Variants in UPB1 observed in about 807,000 individuals in gnomAD.
UPB1 encodes the protein beta-ureidopropionase 1.
Under a neutral mutation model 49.1 loss-of-function variants are expected in UPB1, and 40 were observed. The observed-to-expected ratio is 0.81, with a 90% CI of 0.63 to 1.06. The LOEUF (loss-of-function observed/expected upper bound fraction) is 1.06. Ranked by LOEUF, UPB1 falls within the 50% of genes least tolerant of loss-of-function variation. The pLI is 0.00. For missense variants in UPB1, 499 were observed against 505.9 expected (o/e 0.99, Z 0.13); for synonymous variants, 207 against 198.2 (o/e 1.04, Z -0.38).
In UPB1 at chr22:24,515,210, T is replaced by G; in HGVS notation, c.631T>G (p.Tyr211Asp). The change falls in exon 6 of 10, where the codon TAC becomes GAC. Residue 211 changes from tyrosine to aspartate, a missense_variant. Physicochemically the swap from Tyr to Asp is radical, Grantham distance 160 (BLOSUM62 -3). Coordinates refer to ENST00000326010, the MANE Select transcript of UPB1 (RefSeq NM_016327.3). ...RVGDFNESTY[Y>D]MEGNLGHPVF... The stretch of plus-strand genomic sequence containing the variant: ...GCCCTTTGCTTTTCAGTCAACTTAC[T>G]ACATGGAGGGAAACCTGGGCCACCC... The G allele has an allele frequency of 6.2e-7, 1 of 1,614,164 alleles. No homozygotes were observed. The highest frequency in any genetic ancestry group is 1.1e-5 in the South Asian group (1 of 91,078).
chr22:24,504,719 C>T (rs1001453608), intron 3 of UPB1, among the ~76,000 whole-genome samples: 4 of 133,918 alleles, frequency 3.0e-5, no homozygotes, highest in Admixed American at 8.8e-5. Context: ...TTATGTATTT[C>T]CTCCTTTTTT....
chr22:24,495,854 C>T (rs935139737), intron 1 of UPB1, among the ~76,000 whole-genome samples: 1 of 152,172 alleles, frequency 6.6e-6, no homozygotes, highest in Admixed American at 6.5e-5. Context: ...TGTCTCCAAC[C>T]AGAGCACCCA....
intron 1 of UPB1, among the ~76,000 whole-genome samples, chr22:24,495,906 G>A (rs1197679296): frequency 6.6e-6 from 1 of 152,106 alleles, no homozygotes. Flanking sequence ...TCCTTCTTGC[G>A]GTGACCCGAC....
In UPB1 at chr22:24,520,388, G is replaced by T; in HGVS notation, c.793G>T (p.Glu265Ter). 6.2e-7 allele frequency: 1 copy of T among 1,614,134 alleles called. No homozygotes were observed. Among genetic ancestry groups the T allele is most frequent in the Non-Finnish European group, 8.5e-7 (1 of 1,180,020 alleles). Residue 265 changes from glutamate to a stop codon, truncating the protein, a stop_gained and splice_region_variant, in exon 7 of 10, where the codon GAG becomes TAG. Coordinates refer to ENST00000326010, the MANE Select transcript of UPB1 (RefSeq NM_016327.3). LOFTEE classifies it high-confidence loss of function. Reference sequence around the variant, plus strand: ...GTTCCTCTTGGTCCTCTCTTACAGCGAGTCCCTGTGGCCCATCGAGGCCAG... The same window carrying T: ...GTTCCTCTTGGTCCTCTCTTACAGCTAGTCCCTGTGGCCCATCGAGGCCAG... ...NPSATIGALS[E>*]SLWPIEARNA...
intron 3 of UPB1, among the ~76,000 whole-genome samples, chr22:24,504,340 T>C (rs1241948508): frequency 1.3e-5 from 2 of 152,236 alleles, no homozygotes; most frequent in Non-Finnish European, 2.9e-5. Context: ...AAATTTTAGG[T>C]TAGAAATCAT....
chr22:24,501,463 C>T (rs1034967120), intron 2 of UPB1, among the ~76,000 whole-genome samples: 3 of 152,202 alleles, frequency 2.0e-5, no homozygotes, highest in African/African-American at 7.2e-5. Context: ...GGAAGAGTGG[C>T]ACACAAAGCA....
At position 24,500,248 on chromosome 22, in the gene UPB1, C is replaced by T. The variant is rs769812643; in HGVS notation, c.246C>T (p.Pro82=). 4 of 1,614,062 alleles carry T rather than the reference C, an allele frequency of 2.5e-6. No individual in the cohort carries two copies. The African/African-American group carries it at 4.0e-5, about 16-fold the overall frequency. ...TGGGGCTGGTTCAGAACAGAATCCCCCTCCCCGCAAATGCCCCTGTGGCAG... is the reference window on the plus strand; with the variant it reads ...TGGGGCTGGTTCAGAACAGAATCCCTCTCCCCGCAAATGCCCCTGTGGCAG... The part of the protein sequence containing the change: ...VHVGLVQNRI[P]LPANAPVAEQ... Residue 82 remains proline, a synonymous_variant, in exon 2 of 10, where the codon CCC becomes CCT. Coordinates refer to ENST00000326010, the MANE Select transcript of UPB1 (RefSeq NM_016327.3).
intron 6 of UPB1, 129 bp downstream of exon 6, chr22:24,515,499 C>A: frequency 7.8e-7 from 1 of 1,278,270 alleles, no homozygotes; most frequent in Non-Finnish European, 1.1e-6. Flanking sequence ...GCTGAGCCCC[C>A]AGGATTGCAT....
rs755533170 is a variant in UPB1, at chr22:24,500,210, C to G, written c.208C>G (p.Arg70Gly). The change falls in exon 2 of 10, where the codon CGC (arginine) becomes GGC (glycine). Residue 70 changes from arginine to glycine, a missense_variant. Coordinates refer to ENST00000326010, the MANE Select transcript of UPB1 (RefSeq NM_016327.3). ...AGCGGAGGAGCAGCTGAGACGACCC[C>G]GCATTGTGCACGTGGGGCTGGTTCA... ...EAAEEQLRRP[R>G]IVHVGLVQNR... The G allele has an allele frequency of 1.2e-6, 2 of 1,614,092 alleles. No individual in the cohort carries two copies. Among genetic ancestry groups the G allele is most frequent in the Non-Finnish European group, 8.5e-7 (1 of 1,180,048 alleles).
chr22:24,523,742 G>A lies in UPB1; in HGVS notation c.1040G>A (p.Cys347Tyr), dbSNP rs1230735766. 2 of 1,614,236 alleles carry A rather than the reference G, an allele frequency of 1.2e-6. No homozygotes were observed. Among genetic ancestry groups the A allele is most frequent in the Non-Finnish European group, 1.7e-6 (2 of 1,180,040 alleles). Reference protein sequence around the residue: ...LLVAKLDLNLCQQVNDVWNFK... With the variant: ...LLVAKLDLNLYQQVNDVWNFK... ...GTTGCTAAGCTCGACCTAAACCTCT[G>A]CCAGCAGGTGAATGATGTCTGGAAC... The change falls in exon 9 of 10, where the codon TGC (cysteine) becomes TAC (tyrosine). Residue 347 changes from cysteine to tyrosine, a missense_variant. Cys to Tyr is a radical substitution (Grantham distance 194). Transcript: ENST00000326010.
At chr22:24,507,531 A>T (rs1275679759) in intron 3 of UPB1, among the ~76,000 whole-genome samples, 6 of 152,204 alleles carry the variant, frequency 3.9e-5, no homozygotes, top group Admixed American at 3.9e-4. Flanking sequence ...CCTATTACGA[A>T]GATAGGAGTT....
intron 3 of UPB1, chr22:24,502,769 T>C (rs2044017068): frequency 1.9e-6 from 1 of 526,314 alleles, no homozygotes; most frequent in Non-Finnish European, 3.4e-6. Context: ...AATTTTTTAG[T>C]TTTGCATCAC....
At chr22:24,506,473 C>G (rs1304390119) in intron 3 of UPB1, among the ~76,000 whole-genome samples, 1 of 152,224 alleles carries the variant, frequency 6.6e-6, no homozygotes, top group Non-Finnish European at 1.5e-5. Context: ...TTTCTCTGAT[C>G]TGCTGAGAGA....
chr22:24,505,887 A>G (rs1371442590), intron 3 of UPB1, among the ~76,000 whole-genome samples: 1 of 150,658 alleles, frequency 6.6e-6, no homozygotes, highest in Non-Finnish European at 1.5e-5. Context: ...TGATTTCTGT[A>G]TTTTTAGTAG....
At chr22:24,525,304 G>A (rs1221634062) in intron 9 of UPB1, among the ~76,000 whole-genome samples, 1 of 152,178 alleles carries the variant, frequency 6.6e-6, no homozygotes, top group African/African-American at 2.4e-5. Context: ...GCCACATGGA[G>A]TAGACAGAAC....
At chr22:24,523,504 T>G in intron 8 of UPB1, 115 bp from the exon 9 acceptor site, 7 of 1,487,272 alleles carry the variant, frequency 4.7e-6, no homozygotes, top group Middle Eastern at 1.9e-4. Context: ...TGGCAGACAC[T>G]GGGGAGGATG....
chr22:24,496,372 A>AACACACACACACACAC (rs60159909), intron 1 of UPB1, among the ~76,000 whole-genome samples: 141 of 141,614 alleles, frequency 1.0e-3, no homozygotes, highest in African/African-American at 3.5e-3. Context: ...CCCTGTCTCA[A>AACACACACACACACAC]ACACACACAC....
intron 6 of UPB1, among the ~76,000 whole-genome samples, chr22:24,516,181 C>T (rs1165467324): frequency 3.9e-5 from 6 of 152,104 alleles, no homozygotes; most frequent in Non-Finnish European, 7.4e-5. Context: ...GTCGAGGAAA[C>T]TTGTCTTTAA....
intron 4 of UPB1, 44 bp downstream of exon 4, chr22:24,510,887 G>C (rs746748110): frequency 6.3e-7 from 1 of 1,594,030 alleles, no homozygotes; most frequent in Non-Finnish European, 8.6e-7. Flanking sequence ...CCAAATATGT[G>C]CAAGTCACAG....
Sources: allele counts gnomAD v4.1 joint callset (sites outside exome capture counted in the v4.1 genomes callset), GRCh38; gene constraint gnomAD v4.1.1; transcripts MANE v1.5; gene names NCBI Gene and HGNC (gene_info 2026-07-23, HGNC 2026-07-21).